Variants in PRKCA observed in about 807,000 individuals in gnomAD.
The protein encoded by PRKCA is protein kinase C alpha type.
In PRKCA, 27 loss-of-function variants were observed where a neutral mutation model predicts 87.0. The observed-to-expected ratio is 0.31, with a 90% CI of 0.23 to 0.43. The LOEUF (loss-of-function observed/expected upper bound fraction) is 0.43, where lower values mean the gene tolerates loss of function less well. Among genes scored for constraint, PRKCA ranks in the 20% least tolerant of loss-of-function variants. The pLI, the probability that PRKCA is intolerant of heterozygous loss-of-function variation, is 1.00. For missense variants in PRKCA, 518 were observed against 852.3 expected (o/e 0.61, Z 4.88); for synonymous variants, 329 against 311.1 (o/e 1.06, Z -0.61).
intron 5 of PRKCA, among the ~76,000 whole-genome samples, chr17:66,661,930 G>A (rs1971916482): frequency 1.3e-5 from 2 of 152,180 alleles, no homozygotes; most frequent in Admixed American, 6.5e-5. Flanking sequence ...TGCAGGCCAC[G>A]TTGCTGCCTT....
In PRKCA at chr17:66,798,378, CGGTGGT is replaced by C. The variant is rs1191158029; in HGVS notation, c.1855-5472_1855-5467del. Among the ~76,000 whole-genome samples, 95 of 54,930 alleles carry C rather than the reference CGGTGGT, an allele frequency of 1.7e-3. 1 individual carries two copies. Among genetic ancestry groups the C allele is most frequent in the Admixed American group, 6.3e-3 (31 of 4,932 alleles). The allele number at this position is 54,930 out of a possible 152,430, so 36.0% of individuals were successfully genotyped here. ...GGTTTTCCTTATCTTTTTCAGTAGG[CGGTGGT>C]GGTGGTGGTGGTGGTGGTGGTGATG... On this transcript the variant is annotated intron_variant, in intron 16 of 16. Coordinates refer to ENST00000413366, the MANE Select transcript of PRKCA (RefSeq NM_002737.3).
chr17:66,680,362 C>T (rs1425134154), intron 5 of PRKCA, among the ~76,000 whole-genome samples: 5 of 152,158 alleles, frequency 3.3e-5, no homozygotes, highest in Non-Finnish European at 5.9e-5. Context: ...GGGGTCAGCA[C>T]AGACTGAACA....
intron 14 of PRKCA, chr17:66,778,366 A>T (rs931752664): frequency 6.8e-5 from 27 of 394,220 alleles, no homozygotes. Flanking sequence ...GCAAAAAAAA[A>T]TTAGCCGAGT....
At chr17:66,445,618 A>C (rs1164002235) in intron 2 of PRKCA, among the ~76,000 whole-genome samples, 1 of 152,156 alleles carries the variant, frequency 6.6e-6, no homozygotes, top group Non-Finnish European at 1.5e-5. Flanking sequence ...ACCTGAGGTG[A>C]TGCTCAGGAC....
chr17:66,503,142 G>T (rs1173179408), intron 3 of PRKCA, among the ~76,000 whole-genome samples: 3 of 152,134 alleles, frequency 2.0e-5, no homozygotes, highest in Admixed American at 6.5e-5. Flanking sequence ...AGAGGGATTT[G>T]TTAAAAGGCT....
chr17:66,398,874 G>C (rs1910841774), intron 2 of PRKCA, among the ~76,000 whole-genome samples: 1 of 152,198 alleles, frequency 6.6e-6, no homozygotes, highest in Non-Finnish European at 1.5e-5. Context: ...GCACTGGGCA[G>C]ACAGAGTGAT....
At chr17:66,397,751 G>A (rs1402576038) in intron 2 of PRKCA, among the ~76,000 whole-genome samples, 1 of 152,060 alleles carries the variant, frequency 6.6e-6, no homozygotes. Flanking sequence ...GTCATGGGGG[G>A]TGTGAGCCAT....
intron 2 of PRKCA, among the ~76,000 whole-genome samples, chr17:66,315,660 A>T (rs762827108): frequency 2.0e-5 from 3 of 152,002 alleles, no homozygotes; most frequent in Non-Finnish European, 2.9e-5. Context: ...TTGTATTCTT[A>T]GTAGAGATGG....
At chr17:66,312,931 G>A (rs1354053281) in intron 2 of PRKCA, among the ~76,000 whole-genome samples, 2 of 151,944 alleles carry the variant, frequency 1.3e-5, no homozygotes, top group Non-Finnish European at 2.9e-5. Context: ...TAGAGACGGG[G>A]TGTCGCCATG....
intron 6 of PRKCA, 64 bp from the exon 7 acceptor site, chr17:66,688,238 G>A (rs1252349317): frequency 1.3e-6 from 2 of 1,580,086 alleles, no homozygotes; most frequent in Non-Finnish European, 1.7e-6. Flanking sequence ...TCATATACAT[G>A]TGGTATCTCC....
chr17:66,537,648 C>T (rs1422655790), intron 3 of PRKCA, among the ~76,000 whole-genome samples: 2 of 152,166 alleles, frequency 1.3e-5, no homozygotes, highest in African/African-American at 4.8e-5. Flanking sequence ...TTGTCATCTT[C>T]CCATCTCATC....
intron 2 of PRKCA, among the ~76,000 whole-genome samples, chr17:66,358,968 A>G (rs1908227925): frequency 6.6e-6 from 1 of 152,124 alleles, no homozygotes; most frequent in Admixed American, 6.5e-5. Context: ...ATCCTGGTGA[A>G]TAATGAAATC....
At chr17:66,687,871 G>A (rs919865327) in intron 6 of PRKCA, among the ~76,000 whole-genome samples, 1 of 152,198 alleles carries the variant, frequency 6.6e-6, no homozygotes, top group Non-Finnish European at 1.5e-5. Context: ...TTGTAGAGTA[G>A]TATACAGGAA....
At chr17:66,653,241 C>G (rs974521398) in intron 5 of PRKCA, among the ~76,000 whole-genome samples, 11 of 152,268 alleles carry the variant, frequency 7.2e-5, no homozygotes, top group Middle Eastern at 6.8e-3. Context: ...ATAGCTCAGG[C>G]AGAAAAGAAA....
chr17:66,671,440 T>C (rs191725308), intron 5 of PRKCA, among the ~76,000 whole-genome samples: 7 of 152,016 alleles, frequency 4.6e-5, no homozygotes, highest in African/African-American at 1.2e-4. Context: ...GTCTATAAAA[T>C]GTGGATACCA....
intron 2 of PRKCA, among the ~76,000 whole-genome samples, chr17:66,374,556 C>G (rs1458921924): frequency 6.6e-6 from 1 of 152,120 alleles, no homozygotes; most frequent in African/African-American, 2.4e-5. Flanking sequence ...CCGCAGCCCC[C>G]TGAATTAATT....
intron 2 of PRKCA, among the ~76,000 whole-genome samples, chr17:66,456,389 C>T (rs1914575178): frequency 6.6e-6 from 1 of 152,058 alleles, no homozygotes. Flanking sequence ...TCCTCTTGTC[C>T]AACCCAAGTT....
At chr17:66,428,582 C>T (rs185905156) in intron 2 of PRKCA, among the ~76,000 whole-genome samples, 1 of 151,686 alleles carries the variant, frequency 6.6e-6, no homozygotes, top group African/African-American at 2.4e-5. Context: ...TGGCTCACTG[C>T]AACCTTCACC....
At chr17:66,710,716 C>A (rs796641126) in intron 8 of PRKCA, among the ~76,000 whole-genome samples, 1 of 152,170 alleles carries the variant, frequency 6.6e-6, no homozygotes, top group African/African-American at 2.4e-5. Context: ...GTCTCCCCTC[C>A]TCTTCAGATT....
Sources: gnomAD v4.1 joint callset for allele counts (sites outside exome capture counted in the v4.1 genomes callset) on GRCh38, gnomAD v4.1.1 for gene constraint, MANE v1.5 for transcripts, NCBI Gene and HGNC (gene_info 2026-07-23, HGNC 2026-07-21) for gene names.